PSMD12: variants seen among roughly 807,000 people sequenced by gnomAD.
PSMD12 encodes 26S proteasome non-ATPase regulatory subunit 12.
A neutral mutation model predicts 62.9 loss-of-function variants in PSMD12; 8 were observed. The ratio of observed to expected loss-of-function variants is 0.13; its 90% CI spans 0.07 to 0.23. The LOEUF (loss-of-function observed/expected upper bound fraction) is 0.23. PSMD12 is among the 10% of genes least tolerant of loss of function. PSMD12 has a pLI of 1.00. For synonymous variants in PSMD12, 173 were observed against 187.4 expected (o/e 0.92, Z 0.63); for missense variants, 424 against 550.2 (o/e 0.77, Z 2.29).
chr17:67,359,013 T>C (rs1352932136), intron 1 of PSMD12, among the ~76,000 whole-genome samples: 2 of 152,196 alleles, frequency 1.3e-5, no homozygotes, highest in Non-Finnish European at 2.9e-5. Flanking sequence ...GTTATCCTAT[T>C]AGGAACCACA....
intron 9 of PSMD12, among the ~76,000 whole-genome samples, chr17:67,343,214 A>G (rs897602428): frequency 2.0e-5 from 3 of 152,136 alleles, no homozygotes; most frequent in African/African-American, 4.8e-5. Flanking sequence ...TGGCAACACC[A>G]ACACATCAGA....
At chr17:67,358,683 G>A (rs1298010007) in intron 1 of PSMD12, among the ~76,000 whole-genome samples, 3 of 151,812 alleles carry the variant, frequency 2.0e-5, no homozygotes, top group African/African-American at 4.8e-5. Flanking sequence ...GAGTTCCAAG[G>A]AGAAATAAAA....
intron 1 of PSMD12, among the ~76,000 whole-genome samples, chr17:67,364,465 G>A (rs1190562335): frequency 1.3e-5 from 2 of 152,178 alleles, no homozygotes; most frequent in Non-Finnish European, 2.9e-5. Context: ...AGCTGTTCGA[G>A]GGCAAGAGCT....
At position 67,340,849 on chromosome 17, in the gene PSMD12, T is replaced by C; in HGVS notation, c.1365A>G (p.Leu455=). 1 of 1,571,086 alleles carries C rather than the reference T, an allele frequency of 6.4e-7. No homozygotes were observed. The highest frequency in any genetic ancestry group is 1.2e-5 in the South Asian group (1 of 83,056). The change falls in exon 11 of 11, where the codon CTA becomes CTG. Residue 455 remains leucine, a synonymous_variant. Coordinates refer to ENST00000356126, the MANE Select transcript of PSMD12 (RefSeq NM_002816.5). ...TTCTAAAGCACTAAGACCCTTATTG[T>C]AGATTATGTATCATCTCCTCTTTGG... The part of the protein sequence containing the change: ...LIAKEEMIHN[L]Q
intron 3 of PSMD12, among the ~76,000 whole-genome samples, chr17:67,355,089 G>A (rs955001554): frequency 2.5e-5 from 3 of 121,398 alleles, no homozygotes; most frequent in Non-Finnish European, 5.2e-5. Context: ...CATATTTTTG[G>A]TTTTTTTTTT....
Position 67,348,753 on chromosome 17 carries a change from T to C in PSMD12, c.406-99A>G. 2.0e-6 allele frequency: 2 copies of C among 991,610 alleles called. No individual in the cohort carries two copies. Among genetic ancestry groups the C allele is most frequent in the East Asian group, 2.5e-5 (1 of 39,340 alleles). 61.4% of individuals were successfully genotyped at this position (991,610 alleles called of 1,614,324 possible). ...TGGCTCACACCTGTAATCCTGACAT[T>C]TTGGAAGGCTGAGGCAGGAGGATCG... On this transcript the variant is annotated intron_variant, in intron 4 of 10. Coordinates refer to ENST00000356126, the MANE Select transcript of PSMD12 (RefSeq NM_002816.5).
chr17:67,344,929 C>T, intron 8 of PSMD12, 149 bp from the exon 9 acceptor site: 1 of 676,348 alleles, frequency 1.5e-6, no homozygotes, highest in Non-Finnish European at 2.4e-6. Context: ...GTGTATTTTA[C>T]CAACTTTATT....
rs2143676605 is a variant in PSMD12, at chr17:67,340,612, A to G, written c.*231T>C. The G allele has an allele frequency of 2.5e-6, 1 of 403,610 alleles. No individual in the cohort carries two copies. The highest frequency in any genetic ancestry group is 2.1e-5 in the African/African-American group (1 of 48,150). The allele number at this position is 403,610 out of a possible 1,614,324, so 25.0% of individuals were successfully genotyped here. ...AAAACATATCTGGGTAAGTTATGAC[A>G]CAACTTTTTGTGTATTCAGACGACA... On this transcript the variant is annotated 3_prime_UTR_variant, in exon 11 of 11. Transcript: ENST00000356126.
intron 3 of PSMD12, among the ~76,000 whole-genome samples, chr17:67,356,514 C>T (rs1374613083): frequency 1.7e-5 from 2 of 117,474 alleles, no homozygotes; most frequent in African/African-American, 6.5e-5. Flanking sequence ...GCCGAGATCG[C>T]GCCACTGCAC....
chr17:67,357,449 T>C lies in PSMD12; in HGVS notation c.169-18A>G. The C allele has an allele frequency of 8.7e-6, 14 of 1,613,154 alleles. No homozygotes were observed. Among genetic ancestry groups the C allele is most frequent in the Non-Finnish European group, 1.1e-5 (13 of 1,179,422 alleles). On this transcript the variant is annotated intron_variant, in intron 2 of 10. Coordinates refer to ENST00000356126, the MANE Select transcript of PSMD12 (RefSeq NM_002816.5). The stretch of plus-strand genomic sequence containing the variant: ...TCGGAAGCCTGTAAGGGTAAAAATA[T>C]ATTGAAAGTTAATGGAAGAATGTTC...
In PSMD12 at chr17:67,357,275, T is replaced by C. The variant is rs1598573636; in HGVS notation, c.297+28A>G. 3 of 1,589,114 alleles carry C rather than the reference T, an allele frequency of 1.9e-6. No homozygotes were observed. In the East Asian group the frequency reaches 6.7e-5, roughly 36 times the overall value. ...GTTCTGAAATACAAATGCTTTTGTGTTTGGAGCAGACATGATCATGAACTC... is the reference window on the plus strand; with the variant it reads ...GTTCTGAAATACAAATGCTTTTGTGCTTGGAGCAGACATGATCATGAACTC... On this transcript the variant is annotated intron_variant, in intron 3 of 10. Transcript: ENST00000356126.
intron 1 of PSMD12, among the ~76,000 whole-genome samples, chr17:67,358,986 C>G (rs1454879148): frequency 6.6e-6 from 1 of 152,110 alleles, no homozygotes; most frequent in African/African-American, 2.4e-5. Context: ...AATGATAATA[C>G]ACCAGGAGTA....
chr17:67,351,642 T>C (rs902325501), intron 3 of PSMD12, among the ~76,000 whole-genome samples: 12 of 151,974 alleles, frequency 7.9e-5, no homozygotes, highest in Non-Finnish European at 1.5e-4. Flanking sequence ...GAATATATTG[T>C]ATAGTGGTGA....
At position 67,349,615 on chromosome 17, in the gene PSMD12, A is replaced by G. The variant is rs376354947; in HGVS notation, c.405+614T>C. Among the ~76,000 whole-genome samples the G allele has an allele frequency of 1.3e-4, 20 of 152,344 alleles. No individual in the cohort carries two copies. The East Asian group carries it at 3.3e-3, about 25-fold the overall frequency. ...TGTTATATGTAGTCCAATGTCTTCA[A>G]TTAATACTCTAATTCTGACTTATCT... On this transcript the variant is annotated intron_variant, in intron 4 of 10. Transcript: ENST00000356126.
At position 67,362,056 on chromosome 17, in the gene PSMD12, A is replaced by G. The variant is rs1411100828; in HGVS notation, c.108+4356T>C. ...TCGCCAAGATCTGATTTTTCACAAA[A>G]AAGATTTTGCAACCTGCAGCACAAA... On this transcript the variant is annotated intron_variant, in intron 1 of 10. Coordinates refer to ENST00000356126, the MANE Select transcript of PSMD12 (RefSeq NM_002816.5). Among the ~76,000 whole-genome samples, 4 of 152,272 alleles carry G rather than the reference A, an allele frequency of 2.6e-5. No homozygotes were observed. In the East Asian group the frequency reaches 7.7e-4, roughly 29 times the overall value.
intron 3 of PSMD12, among the ~76,000 whole-genome samples, chr17:67,356,424 A>G (rs1448820712): frequency 6.7e-5 from 10 of 150,168 alleles, no homozygotes; most frequent in Middle Eastern, 3.4e-3. Flanking sequence ...CGGGCGTGGT[A>G]GCGGGCGCCT....
rs773318306 is a variant in PSMD12 at position 67,347,084 on chromosome 17, A to C, written c.795+32T>G. ...AAAGCAAATTACTCTTCTGAATAAG[A>C]AGCCATGTCAATTACACGAATATAT... On this transcript the variant is annotated intron_variant, in intron 7 of 10. Coordinates refer to ENST00000356126, the MANE Select transcript of PSMD12 (RefSeq NM_002816.5). 12 of 1,557,394 alleles carry C rather than the reference A, an allele frequency of 7.7e-6. No homozygotes were observed. In the African/African-American group the frequency reaches 1.4e-4, roughly 18 times the overall value.
intron 1 of PSMD12, among the ~76,000 whole-genome samples, chr17:67,359,165 G>C (rs750447466): frequency 1.3e-5 from 2 of 152,060 alleles, no homozygotes; most frequent in Non-Finnish European, 2.9e-5. Flanking sequence ...GACCAGCATG[G>C]AAAATAGGGG....
chr17:67,355,245 C>G (rs1390982906), intron 3 of PSMD12: 1 of 152,084 alleles, frequency 6.6e-6, no homozygotes, highest in Non-Finnish European at 1.5e-5. Context: ...GCGCCTGCCA[C>G]TACACTCAGC....
Sources: allele counts gnomAD v4.1 joint callset (sites outside exome capture counted in the v4.1 genomes callset), GRCh38; gene constraint gnomAD v4.1.1; transcripts MANE v1.5; gene names NCBI Gene and HGNC (gene_info 2026-07-23, HGNC 2026-07-21).